Variants in PRH1 observed in about 807,000 individuals in gnomAD.
The protein encoded by PRH1 is salivary acidic proline-rich phosphoprotein 1/2.
Under a neutral mutation model 7.9 loss-of-function variants are expected in PRH1, and 7 were observed. That is an observed-to-expected ratio of 0.89 (90% CI 0.50 to 1.67). PRH1 has a LOEUF of 1.67. Among genes scored for constraint, PRH1 ranks in the 40% most tolerant of loss-of-function variants. The pLI, the probability that PRH1 is intolerant of heterozygous loss-of-function variation, is 0.00. For synonymous variants in PRH1, 45 were observed against 80.8 expected (o/e 0.56, Z 2.38); for missense variants, 109 against 223.6 (o/e 0.49, Z 3.27).
At chr12:10,967,859 T>G (rs1420852750) in intron 2 of PRH1, among the ~76,000 whole-genome samples, 1 of 152,198 alleles carries the variant, frequency 6.6e-6, no homozygotes, top group South Asian at 2.1e-4. Flanking sequence ...ATTACTCAAG[T>G]GAGAGATCAA....
chr12:10,893,968 G>A (rs1393452874), intron 2 of PRH1, among the ~76,000 whole-genome samples: 4 of 151,996 alleles, frequency 2.6e-5, no homozygotes, highest in African/African-American at 4.8e-5. Flanking sequence ...AAGAGGAGAC[G>A]TTCTTATTAA....
intron 1 of PRH1, among the ~76,000 whole-genome samples, chr12:11,025,451 A>G (rs9651853): frequency 0.19 from 28,168 of 151,720 alleles, 341 homozygotes; most frequent in Non-Finnish European, 0.23. Context: ...TTTTCAACAT[A>G]CTCTATCTTC....
intron 2 of PRH1, among the ~76,000 whole-genome samples, chr12:10,893,922 A>C (rs1949610352): frequency 6.6e-6 from 1 of 151,944 alleles, no homozygotes; most frequent in African/African-American, 2.4e-5. Flanking sequence ...CTTTTATTTA[A>C]CCTGCTATTT....
At chr12:11,101,758 A>G (rs1252417909) in intron 1 of PRH1, among the ~76,000 whole-genome samples, 1 of 152,216 alleles carries the variant, frequency 6.6e-6, no homozygotes. Flanking sequence ...ATACCTTGGT[A>G]AGAAAATAGA....
chr12:10,969,644 T>A (rs1938696949), intron 2 of PRH1, among the ~76,000 whole-genome samples: 1 of 152,042 alleles, frequency 6.6e-6, no homozygotes, highest in East Asian at 1.9e-4. Context: ...TTTCTGTTTT[T>A]TTGTTTTTTT....
intron 1 of PRH1, among the ~76,000 whole-genome samples, chr12:11,148,429 A>C (rs1946941875): frequency 7.0e-6 from 1 of 142,398 alleles, no homozygotes; most frequent in African/African-American, 2.5e-5. Context: ...TGGGTCTGTC[A>C]TAGATAGCTC....
At chr12:11,043,385 TG>T (rs1471342559) in intron 1 of PRH1, among the ~76,000 whole-genome samples, 2 of 152,152 alleles carry the variant, frequency 1.3e-5, no homozygotes, top group Non-Finnish European at 2.9e-5. Flanking sequence ...ATCTGGAACA[TG>T]CCAAAAATGC....
chr12:11,019,885 G>A (rs1941508999), intron 1 of PRH1, among the ~76,000 whole-genome samples: 1 of 152,288 alleles, frequency 6.6e-6, no homozygotes, highest in South Asian at 2.1e-4. Flanking sequence ...GGGTCTGCTA[G>A]CCCCGAGCAG....
intron 1 of PRH1, chr12:11,022,418 C>T: frequency 1.9e-6 from 3 of 1,614,122 alleles, no homozygotes; most frequent in Non-Finnish European, 2.5e-6. Flanking sequence ...CTGGAGACCA[C>T]CAGAGCAGTG....
intron 1 of PRH1, among the ~76,000 whole-genome samples, chr12:11,140,681 C>G (rs1946677537): frequency 6.6e-6 from 1 of 152,114 alleles, no homozygotes; most frequent in African/African-American, 2.4e-5. Context: ...GAAGTGAAAG[C>G]TGAATTCTCA....
At chr12:10,961,422 C>A (rs1214936675) in intron 2 of PRH1, among the ~76,000 whole-genome samples, 1 of 150,984 alleles carries the variant, frequency 6.6e-6, no homozygotes, top group Non-Finnish European at 1.5e-5. Flanking sequence ...ATGATTGCCC[C>A]TCTAAGCATG....
chr12:11,050,415 G>T (rs1943095110), upstream of PRH1, among the ~76,000 whole-genome samples: 1 of 152,184 alleles, frequency 6.6e-6, no homozygotes, highest in South Asian at 2.1e-4. Flanking sequence ...ACCCTTAAGT[G>T]GTTTCCTGCC....
chr12:10,927,502 A>G (rs1295539655), intron 2 of PRH1, among the ~76,000 whole-genome samples: 1 of 152,242 alleles, frequency 6.6e-6, no homozygotes, highest in African/African-American at 2.4e-5. Flanking sequence ...AGAATTGCCA[A>G]TTAAGAATGC....
rs780826651 is a variant in PRH1, at chr12:11,062,029, G to T, written n.124-14841C>A. ...CCAGTTGCTGAAATGGTTGATTACT[G>T]CCCAGACATTGTAAGCAGTAATTCT... is the stretch of plus-strand genomic sequence containing the variant. On this transcript the variant is annotated intron_variant and non_coding_transcript_variant, in intron 1 of 4. Transcript: ENST00000541977. 4.3e-6 allele frequency: 7 copies of T among 1,613,496 alleles called. No individual in the cohort carries two copies. In the South Asian group the frequency reaches 7.7e-5, roughly 18 times the overall value.
At chr12:10,992,671 CCAAA>C (rs1939998890) in intron 1 of PRH1, among the ~76,000 whole-genome samples, 1 of 152,110 alleles carries the variant, frequency 6.6e-6, no homozygotes, top group Admixed American at 6.6e-5. Context: ...CCTCAGCCTC[CCAAA>C]TTGTTTGGAT....
intron 2 of PRH1, among the ~76,000 whole-genome samples, chr12:10,934,058 C>T (rs1950250568): frequency 6.6e-6 from 1 of 152,148 alleles, no homozygotes; most frequent in Non-Finnish European, 1.5e-5. Flanking sequence ...TTTGTGATTA[C>T]ACAATGACCA....
chr12:10,887,590 C>T (rs1437343887), upstream of PRH1, among the ~76,000 whole-genome samples: 2 of 146,304 alleles, frequency 1.4e-5, no homozygotes, highest in African/African-American at 5.0e-5. Flanking sequence ...GGCATGATCT[C>T]AGCTCACTGC....
chr12:10,965,318 A>G (rs1938450250), intron 2 of PRH1: 3 of 1,307,540 alleles, frequency 2.3e-6, no homozygotes, highest in Non-Finnish European at 3.2e-6. Flanking sequence ...AACCACTACT[A>G]GAATGGAAAA....
intron 2 of PRH1, among the ~76,000 whole-genome samples, chr12:10,906,638 T>A (rs1400986574): frequency 6.6e-6 from 1 of 152,138 alleles, no homozygotes; most frequent in Non-Finnish European, 1.5e-5. Context: ...AGTGAATAAG[T>A]CTCATGAAAC....
Sources: gnomAD v4.1 joint callset for allele counts (sites outside exome capture counted in the v4.1 genomes callset) on GRCh38, gnomAD v4.1.1 for gene constraint, MANE v1.5 for transcripts, NCBI Gene and HGNC (gene_info 2026-07-23, HGNC 2026-07-21) for gene names.